The following RNF169 variants were observed in gnomAD, a reference collection of about 807,000 sequenced individuals.
The protein encoded by RNF169 is E3 ubiquitin-protein ligase RNF169.
A neutral mutation model predicts 53.9 loss-of-function variants in RNF169; 24 were observed. The observed-to-expected ratio is 0.45, with a 90% confidence interval of 0.32 to 0.63. RNF169 has a LOEUF of 0.63. Among genes scored for constraint, RNF169 ranks in the 20% least tolerant of loss-of-function variants. The pLI, the probability that RNF169 is intolerant of heterozygous loss-of-function variation, is 0.04. For missense variants in RNF169, 883 were observed against 906.2 expected, an observed-to-expected ratio of 0.97 and a Z score of 0.33; for synonymous variants, 396 against 363.5, an observed-to-expected ratio of 1.09 and a Z score of -1.02.
At chr11:74,775,512 A>G (rs1314348173) in intron 1 of RNF169, among the ~76,000 whole-genome samples, 1 of 149,076 alleles carries the variant, frequency 6.7e-6, no homozygotes, top group South Asian at 2.1e-4. Context: ...TGTCATATTC[A>G]TCTCTCTGTT....
At chr11:74,822,942 A>C (rs1398195841) in intron 4 of RNF169, among the ~76,000 whole-genome samples, 1 of 152,170 alleles carries the variant, frequency 6.6e-6, no homozygotes, top group Non-Finnish European at 1.5e-5. Context: ...CGTACAAAAG[A>C]GGAAGGAATA....
intron 2 of RNF169, among the ~76,000 whole-genome samples, chr11:74,795,648 C>T (rs2035637924): frequency 6.6e-6 from 1 of 152,136 alleles, no homozygotes; most frequent in Non-Finnish European, 1.5e-5. Flanking sequence ...ATCTCTTGAG[C>T]CCAGGAGTTT....
intron 1 of RNF169, among the ~76,000 whole-genome samples, chr11:74,770,450 A>G (rs1001320573): frequency 6.6e-6 from 1 of 152,218 alleles, no homozygotes; most frequent in Non-Finnish European, 1.5e-5. Flanking sequence ...TACTGAGGCC[A>G]TTTGTTCATT....
intron 4 of RNF169, 63 bp from the exon 5 acceptor site, chr11:74,834,612 TC>T (rs1280816283): frequency 8.7e-7 from 1 of 1,150,782 alleles, no homozygotes; most frequent in African/African-American, 1.5e-5. Context: ...GATATTGTCA[TC>T]CTTTTTCCTT....
chr11:74,764,063 A>G (rs1307866975), intron 1 of RNF169, among the ~76,000 whole-genome samples: 1 of 152,234 alleles, frequency 6.6e-6, no homozygotes, highest in Non-Finnish European at 1.5e-5. Context: ...AACTAAACAC[A>G]TTGCAGTGGA....
chr11:74,839,715 C>T lies in RNF169; in HGVS notation c.*2985C>T. On this transcript the variant is annotated 3_prime_UTR_variant, in exon 6 of 6. Transcript: ENST00000299563. ...GAAATGTGGTGCCCTTAGAAGGGGG[C>T]TGTCAGCTCTTTTCCATAGAGAGGG... 6.6e-6 allele frequency: 1 copy of T among 152,088 alleles called. No individual in the cohort carries two copies. Among genetic ancestry groups the T allele is most frequent in the East Asian group, 1.9e-4 (1 of 5,192 alleles). 9.4% of individuals were successfully genotyped at this position (152,088 alleles called of 1,614,324 possible).
chr11:74,807,552 A>G (rs1379409794), intron 2 of RNF169, among the ~76,000 whole-genome samples: 2 of 152,212 alleles, frequency 1.3e-5, no homozygotes, highest in Non-Finnish European at 2.9e-5. Flanking sequence ...TCTGAAGTCA[A>G]TGATTTGCTT....
At position 74,750,869 on chromosome 11, in the gene RNF169, T is replaced by G. The variant is rs1275067316; in HGVS notation, c.502+1487T>G. Among the ~76,000 whole-genome samples, 487 of 114,474 alleles carry G rather than the reference T, an allele frequency of 4.3e-3. 10 individuals carry two copies. The highest frequency in any genetic ancestry group is 0.017 in the African/African-American group (468 of 28,088). The allele number at this position is 114,474 out of a possible 152,430, so 75.1% of individuals were successfully genotyped here. A position where few individuals can be genotyped will look rare whatever the true frequency, so the allele number is the denominator to read the frequency against. On this transcript the variant is annotated intron_variant, in intron 1 of 5. Coordinates refer to ENST00000299563, the MANE Select transcript of RNF169 (RefSeq NM_001098638.2). Reference sequence around the variant, plus strand: ...CGCCCGCCTTGGCCTCCCAAGGTTTTTTTTTTTTTTTTTTTTTTTTTTGAG... The same window carrying G: ...CGCCCGCCTTGGCCTCCCAAGGTTTGTTTTTTTTTTTTTTTTTTTTTTGAG...
intron 1 of RNF169, among the ~76,000 whole-genome samples, chr11:74,776,860 G>A (rs1565174455): frequency 6.6e-6 from 1 of 152,194 alleles, no homozygotes; most frequent in Non-Finnish European, 1.5e-5. Context: ...CTAGGAATAG[G>A]GAGATGTGTA....
chr11:74,790,787 A>T (rs2135084120), intron 2 of RNF169, among the ~76,000 whole-genome samples: 1 of 152,224 alleles, frequency 6.6e-6, no homozygotes, highest in Middle Eastern at 3.4e-3. Flanking sequence ...GGCACTGGGG[A>T]ACGTGGTAGT....
chr11:74,814,062 C>T (rs1423933894), intron 3 of RNF169, among the ~76,000 whole-genome samples: 7 of 152,036 alleles, frequency 4.6e-5, no homozygotes, highest in Admixed American at 3.9e-4. Context: ...GGCTCACACC[C>T]GTAATCCCAG....
intron 1 of RNF169, among the ~76,000 whole-genome samples, chr11:74,764,863 C>G (rs554947497): frequency 1.3e-5 from 2 of 152,128 alleles, no homozygotes; most frequent in Non-Finnish European, 2.9e-5. Context: ...TAACGTAGTT[C>G]AATAGGAAGA....
intron 1 of RNF169, among the ~76,000 whole-genome samples, chr11:74,755,775 G>GC (rs577934714): frequency 1.1e-4 from 16 of 152,316 alleles, no homozygotes; most frequent in Admixed American, 5.9e-4. Context: ...AGGCTTGAAG[G>GC]TGCTTGGGAT....
At position 74,842,109 on chromosome 11, in the gene RNF169, G is replaced by A. The variant is rs1055398268; in HGVS notation, c.*5379G>A. 6.6e-6 allele frequency: 1 copy of A among 151,934 alleles called. No homozygotes were observed. The highest frequency in any genetic ancestry group is 1.5e-5 in the Non-Finnish European group (1 of 68,026). 9.4% of individuals were successfully genotyped at this position (151,934 alleles called of 1,614,324 possible). On this transcript the variant is annotated 3_prime_UTR_variant, in exon 6 of 6. Transcript: ENST00000299563. ...TCCCCTCCTGCCTAGAAAATAGGTT[G>A]TGTATTGGTTTTATTCAACCTGCTG...
chr11:74,758,843 A>G (rs186368133), intron 1 of RNF169, among the ~76,000 whole-genome samples: 1,554 of 151,566 alleles, frequency 0.01, 29 homozygotes, highest in African/African-American at 0.034. Flanking sequence ...CAATTCTGTG[A>G]AGAAAGTCAT....
intron 3 of RNF169, among the ~76,000 whole-genome samples, chr11:74,813,396 A>C (rs1347943463): frequency 5.3e-5 from 8 of 152,238 alleles, no homozygotes. Context: ...TAAAGTGAGC[A>C]CAGTGTTTAA....
chr11:74,783,186 C>T (rs551985744), intron 1 of RNF169, among the ~76,000 whole-genome samples: 2 of 151,190 alleles, frequency 1.3e-5, no homozygotes, highest in South Asian at 4.2e-4. Flanking sequence ...GGCAATGACA[C>T]TTCATTCCTG....
intron 4 of RNF169, among the ~76,000 whole-genome samples, chr11:74,818,340 A>G (rs768353862): frequency 2.6e-5 from 4 of 152,140 alleles, no homozygotes; most frequent in Non-Finnish European, 5.9e-5. Context: ...TTCAACAGAC[A>G]TTTTGTGAAC....
At chr11:74,758,866 G>A (rs1173502603) in intron 1 of RNF169, among the ~76,000 whole-genome samples, 5 of 150,608 alleles carry the variant, frequency 3.3e-5, no homozygotes, top group African/African-American at 9.8e-5. Flanking sequence ...GTAGCTTGAT[G>A]GGGATGGCAT....
Sources: gnomAD v4.1 joint callset for allele counts (sites outside exome capture counted in the v4.1 genomes callset) on GRCh38, gnomAD v4.1.1 for gene constraint, MANE v1.5 for transcripts, NCBI Gene and HGNC (gene_info 2026-07-23, HGNC 2026-07-21) for gene names.